Variants in PDSS1 observed in about 807,000 individuals in gnomAD.
PDSS1 encodes the protein decaprenyl diphosphate synthase subunit 1, also known as all trans-polyprenyl-diphosphate synthase PDSS1.
Under a neutral mutation model 57.5 loss-of-function variants are expected in PDSS1, and 43 were observed. The observed-to-expected ratio is 0.75, with a 90% CI of 0.59 to 0.96. PDSS1 has a LOEUF of 0.96. Ranked by LOEUF, PDSS1 falls within the 50% of genes least tolerant of loss-of-function variation. The pLI is 0.00. For synonymous variants in PDSS1, 175 were observed against 191.3 expected, an observed-to-expected ratio of 0.91 and a Z score of 0.70; for missense variants, 438 against 527.8, an observed-to-expected ratio of 0.83 and a Z score of 1.67.
chr10:26,705,057 C>G (rs1325423833), intron 3 of PDSS1, among the ~76,000 whole-genome samples: 1 of 152,072 alleles, frequency 6.6e-6, no homozygotes, highest in East Asian at 1.9e-4. Context: ...TTTAGTTTTT[C>G]TTTGATTTTG....
At chr10:26,723,966 G>A in intron 7 of PDSS1, 48 bp from the exon 8 acceptor site, 1 of 1,577,868 alleles carries the variant, frequency 6.3e-7, no homozygotes, top group Non-Finnish European at 8.7e-7. Flanking sequence ...CTGGTGTTTA[G>A]CCAGGCAATA....
chr10:26,727,325 T>A (rs1240373232), intron 8 of PDSS1, among the ~76,000 whole-genome samples: 3 of 120,940 alleles, frequency 2.5e-5, no homozygotes, highest in Non-Finnish European at 3.5e-5. Flanking sequence ...GCCTTGTTTC[T>A]CTCTCTCTCT....
rs1301964311 is a variant in PDSS1 at position 26,709,706 on chromosome 10, C to T, written c.405C>T (p.Ala135=). ...SEYYFDGKGK[A]FRPIIVALMA... is the part of the protein sequence containing the mutation. Reference sequence around the variant, plus strand: ...ACTACTTTGATGGGAAAGGGAAAGCCTTTCGACCAATTATTGTGGCGCTAA... The same window carrying T: ...ACTACTTTGATGGGAAAGGGAAAGCTTTTCGACCAATTATTGTGGCGCTAA... The change falls in exon 5 of 12, where the codon GCC becomes GCT. Residue 135 remains alanine, a synonymous_variant. Coordinates refer to ENST00000376215, the MANE Select transcript of PDSS1 (RefSeq NM_014317.5). 1 of 1,613,804 alleles carries T rather than the reference C, an allele frequency of 6.2e-7. No individual in the cohort carries two copies. The highest frequency in any genetic ancestry group is 8.5e-7 in the Non-Finnish European group (1 of 1,179,730).
intron 8 of PDSS1, 148 bp from the exon 9 acceptor site, chr10:26,735,092 T>C (rs1010959372): frequency 9.0e-5 from 65 of 720,480 alleles, no homozygotes; most frequent in South Asian, 2.9e-5. Context: ...GTTTTGTACA[T>C]GCTTGGTGTC....
At chr10:26,716,424 G>A (rs774933618) in intron 5 of PDSS1, among the ~76,000 whole-genome samples, 11 of 152,084 alleles carry the variant, frequency 7.2e-5, no homozygotes, top group African/African-American at 1.4e-4. Context: ...GGCCGGGTGC[G>A]GTGGCTCACG....
At chr10:26,721,620 A>T (rs1173907416) in intron 6 of PDSS1, among the ~76,000 whole-genome samples, 1 of 152,212 alleles carries the variant, frequency 6.6e-6, no homozygotes, top group Non-Finnish European at 1.5e-5. Context: ...ATGTTGGCCA[A>T]AAAGCAGATG....
At chr10:26,736,410 A>G (rs1052000926) in intron 10 of PDSS1, among the ~76,000 whole-genome samples, 5 of 152,260 alleles carry the variant, frequency 3.3e-5, no homozygotes, top group African/African-American at 1.2e-4. Context: ...GAAATTCAAC[A>G]TTAGCTCTTT....
At chr10:26,738,334 T>G (rs1223804230) in intron 10 of PDSS1, among the ~76,000 whole-genome samples, 1 of 152,210 alleles carries the variant, frequency 6.6e-6, no homozygotes, top group African/African-American at 2.4e-5. Flanking sequence ...TGCCCAAACC[T>G]CGCCAAAATT....
intron 8 of PDSS1, among the ~76,000 whole-genome samples, chr10:26,728,986 GC>G (rs1404031862): frequency 6.6e-6 from 1 of 151,804 alleles, no homozygotes; most frequent in African/African-American, 2.4e-5. Context: ...TTGCCATTTT[GC>G]CCAGGCTGGT....
chr10:26,735,692 A>G, intron 10 of PDSS1, 113 bp downstream of exon 10: 1 of 728,236 alleles, frequency 1.4e-6, no homozygotes, highest in Non-Finnish European at 2.5e-6. Flanking sequence ...AGGCATTCAG[A>G]TAAGAGATCA....
At chr10:26,746,301 G>GCAT in intron 11 of PDSS1, 32 bp from the exon 12 acceptor site, 1 of 1,612,130 alleles carries the variant, frequency 6.2e-7, no homozygotes, top group Non-Finnish European at 8.5e-7. Flanking sequence ...TCAGTGACAG[G>GCAT]CATCTGTTCT....
intron 5 of PDSS1, chr10:26,717,619 C>T (rs1471302262): frequency 6.6e-6 from 1 of 152,032 alleles, no homozygotes; most frequent in African/African-American, 2.4e-5. Context: ...TTCAGATTAC[C>T]AAAACAACTC....
At chr10:26,742,462 TAGATTTTCTC>T (rs992141840) in intron 10 of PDSS1, 25 bp from the exon 11 acceptor site, 7 of 1,438,970 alleles carry the variant, frequency 4.9e-6, no homozygotes, top group Non-Finnish European at 6.8e-6. Context: ...GAGAAATAAA[TAGATTTTCTC>T]AGATTTTCTC....
rs1588670300 is a variant in PDSS1 at position 26,705,311 on chromosome 10, A to G, written c.253A>G (p.Lys85Glu). The G allele has an allele frequency of 1.2e-6, 2 of 1,612,152 alleles. No individual in the cohort carries two copies. The highest frequency in any genetic ancestry group is 8.5e-7 in the Non-Finnish European group (1 of 1,178,360). ...SRFHHTTPDSKTHSGEKYTDP... is the reference protein window; with the variant it reads ...SRFHHTTPDSETHSGEKYTDP... ...GTTTCATCACACAACCCCAGACAGT[A>G]AAACACACAGTGGTGAAAAATACAC... Residue 85 changes from lysine (K) to glutamate (E), a missense_variant, in exon 4 of 12, where the codon AAA becomes GAA. By Grantham distance (56) the Lys-to-Glu change is moderately conservative (BLOSUM62 1). This residue lies in a region of PDSS1 where 154 missense variants were observed against 137.0 expected (regional missense o/e 1.12). Coordinates refer to ENST00000376215, the MANE Select transcript of PDSS1 (RefSeq NM_014317.5).
In PDSS1 at chr10:26,712,232, C is replaced by T. The variant is rs1321632091; in HGVS notation, c.467+2464C>T. 2.0e-5 allele frequency among the ~76,000 whole-genome samples: 2 copies of T among 98,768 alleles called. 1 individual carries two copies. Among genetic ancestry groups the T allele is most frequent in the African/African-American group, 6.6e-5 (2 of 30,502 alleles). The allele number at this position is 98,768 out of a possible 152,430, so 64.8% of individuals were successfully genotyped here. A position where few individuals can be genotyped will look rare whatever the true frequency, so the allele number is the denominator to read the frequency against. On this transcript the variant is annotated intron_variant, in intron 5 of 11. Coordinates refer to ENST00000376215, the MANE Select transcript of PDSS1 (RefSeq NM_014317.5). ...GCCAGGCTGGTCTCGAACACCTGGC[C>T]TCAGGTGATTCACCGGCCTTGGCCT...
In PDSS1 at chr10:26,745,940, C is replaced by G. The variant is rs531310586; in HGVS notation, c.1108-393C>G. 4.0e-5 allele frequency among the ~76,000 whole-genome samples: 6 copies of G among 151,634 alleles called. No individual in the cohort carries two copies. The East Asian group carries it at 7.7e-4, about 20-fold the overall frequency. On this transcript the variant is annotated intron_variant, in intron 11 of 11. Coordinates refer to ENST00000376215, the MANE Select transcript of PDSS1 (RefSeq NM_014317.5). ...TTTCATCATAAACCCTCTGTACTTT[C>G]ATTTTGTTATGTCTTTATTCTTTAT...
At chr10:26,705,051 G>C (rs752290644) in intron 3 of PDSS1, among the ~76,000 whole-genome samples, 4 of 152,102 alleles carry the variant, frequency 2.6e-5, no homozygotes, top group Admixed American at 6.5e-5. Context: ...ACATAGTTTA[G>C]TTTTTCTTTG....
chr10:26,699,787 C>T (rs1328901460), intron 1 of PDSS1, among the ~76,000 whole-genome samples: 2 of 152,162 alleles, frequency 1.3e-5, no homozygotes, highest in East Asian at 3.8e-4. Context: ...TTTATGGCCT[C>T]CCCGTCTGCA....
At chr10:26,708,568 C>T (rs1280609445) in intron 4 of PDSS1, among the ~76,000 whole-genome samples, 1 of 152,194 alleles carries the variant, frequency 6.6e-6, no homozygotes, top group East Asian at 1.9e-4. Flanking sequence ...CAGTTGTAGG[C>T]TCCTTGTAAT....
Sources: allele counts gnomAD v4.1 joint callset (sites outside exome capture counted in the v4.1 genomes callset), GRCh38; gene constraint gnomAD v4.1.1; regional missense constraint gnomAD v4.1.1; transcripts MANE v1.5; gene names NCBI Gene and HGNC (gene_info 2026-07-23, HGNC 2026-07-21).